PPFIBP2: variants seen among roughly 807,000 people sequenced by gnomAD.
PPFIBP2 encodes PPFIB scaffold protein 2.
In PPFIBP2, 118 loss-of-function variants were observed where a neutral mutation model predicts 118.3. The ratio of observed to expected loss-of-function variants is 1.00; its 90% confidence interval spans 0.86 to 1.16. The LOEUF (loss-of-function observed/expected upper bound fraction) is 1.16. Ranked by LOEUF, PPFIBP2 falls within the 50% of genes most tolerant of loss-of-function variation. The probability of loss-of-function intolerance (pLI) is 0.00; values close to 1 mark genes in which losing one functional copy is unlikely to be tolerated. For synonymous variants in PPFIBP2, 414 were observed against 397.4 expected (o/e 1.04, Z -0.50); for missense variants, 1,195 against 1,073.1 (o/e 1.11, Z -1.59).
chr11:7,666,343 A>C, the PPFIBP2 span: 1 of 720,012 alleles, frequency 1.4e-6, no homozygotes, highest in East Asian at 2.5e-5. Flanking sequence ...CTTAACCCCC[A>C]CATCTGGTCC....
chr11:7,641,327 G>T, intron 15 of PPFIBP2, 152 bp from the exon 16 acceptor site: 2 of 875,094 alleles, frequency 2.3e-6, no homozygotes, highest in South Asian at 3.5e-5. Flanking sequence ...GTCCCCACTA[G>T]TCTCTGGGAT....
the PPFIBP2 span, chr11:7,665,316 G>T: frequency 7.3e-7 from 1 of 1,373,140 alleles, no homozygotes; most frequent in Non-Finnish European, 9.8e-7. Context: ...TGGTGAAATT[G>T]AACTTACTCT....
intron 3 of PPFIBP2, among the ~76,000 whole-genome samples, chr11:7,572,562 G>A (rs149551900): frequency 6.4e-4 from 97 of 152,302 alleles, no homozygotes; most frequent in Non-Finnish European, 1.3e-3. Flanking sequence ...CCCAGGGGCC[G>A]TGGTGGACAG....
intron 1 of PPFIBP2, among the ~76,000 whole-genome samples, chr11:7,523,488 TA>T (rs1165059320): frequency 2.6e-5 from 4 of 152,246 alleles, no homozygotes; most frequent in African/African-American, 9.6e-5. Context: ...CTTGCCAGTT[TA>T]TACCTCATCT....
At chr11:7,666,588 C>G in the PPFIBP2 span, 3 of 1,476,024 alleles carry the variant, frequency 2.0e-6, no homozygotes, top group African/African-American at 1.4e-5. Context: ...CCCTCCAGGG[C>G]CATCCTCTTG....
At chr11:7,635,130 G>C (rs1156354426) in intron 13 of PPFIBP2, among the ~76,000 whole-genome samples, 1 of 152,118 alleles carries the variant, frequency 6.6e-6, no homozygotes, top group Non-Finnish European at 1.5e-5. Flanking sequence ...ACAGTAGCAG[G>C]CTCTTGAGCT....
chr11:7,616,050 G>C lies in PPFIBP2; in HGVS notation c.619-4885G>C, dbSNP rs542920509. On this transcript the variant is annotated intron_variant, in intron 6 of 23. Transcript: ENST00000299492. This position sits in a 1 kb window ranked among gnomAD's most constrained non-coding sequence, Gnocchi z 5.2. Reference sequence around the variant, plus strand: ...AAAGGCAGAAAGGACATATGCTAAAGACAAAAGTGCACCTGCATGACCAGT... The same window carrying C: ...AAAGGCAGAAAGGACATATGCTAAACACAAAAGTGCACCTGCATGACCAGT... 6.6e-6 allele frequency among the ~76,000 whole-genome samples: 1 copy of C among 152,308 alleles called. No individual in the cohort carries two copies. Among genetic ancestry groups the C allele is most frequent in the African/African-American group, 2.4e-5 (1 of 41,560 alleles).
intron 3 of PPFIBP2, among the ~76,000 whole-genome samples, chr11:7,566,016 G>C (rs1854927485): frequency 6.8e-6 from 1 of 147,778 alleles, no homozygotes; most frequent in South Asian, 2.1e-4. Context: ...TCCAGGGCCA[G>C]AGAAGGGCAA....
chr11:7,589,088 C>T (rs576683688), intron 3 of PPFIBP2, among the ~76,000 whole-genome samples: 31 of 152,166 alleles, frequency 2.0e-4, no homozygotes, highest in Non-Finnish European at 3.8e-4. Context: ...GTAGCAATAA[C>T]CATCAGAACA....
intron 20 of PPFIBP2, 26 bp downstream of exon 20, chr11:7,649,261 C>T (rs745590127): frequency 6.3e-7 from 1 of 1,589,320 alleles, no homozygotes; most frequent in East Asian, 2.2e-5. Context: ...TTAAATATTT[C>T]AGTTGTCCCT....
intron 4 of PPFIBP2, 71 bp downstream of exon 4, chr11:7,593,295 G>C (rs1360249732): frequency 6.4e-7 from 1 of 1,552,234 alleles, no homozygotes; most frequent in East Asian, 2.3e-5. Context: ...AAGTGGAAGG[G>C]AAGCCCAAGA....
At chr11:7,642,053 G>A (rs552380690) in intron 16 of PPFIBP2, 51 of 471,778 alleles carry the variant, frequency 1.1e-4, no homozygotes, top group Non-Finnish European at 1.7e-4. Context: ...CTCCTACAAG[G>A]CATCAAACTT....
Position 7,625,764 on chromosome 11 carries a change from G to T in PPFIBP2, c.712-13G>T. 6.2e-7 allele frequency: 1 copy of T among 1,612,600 alleles called. No individual in the cohort carries two copies. Among genetic ancestry groups the T allele is most frequent in the Admixed American group, 1.7e-5 (1 of 60,020 alleles). ...CCTTCTGACCTGGTAGGGATCCTCTGTTGCTCTTCCAGGCTGAAGTCGCCC... is the reference window on the plus strand; with the variant it reads ...CCTTCTGACCTGGTAGGGATCCTCTTTTGCTCTTCCAGGCTGAAGTCGCCC... On this transcript the variant is annotated splice_polypyrimidine_tract_variant and intron_variant, in intron 7 of 23. Transcript: ENST00000299492.
At chr11:7,583,580 T>C (rs2135071582) in intron 3 of PPFIBP2, among the ~76,000 whole-genome samples, 1 of 152,324 alleles carries the variant, frequency 6.6e-6, no homozygotes, top group East Asian at 1.9e-4. Context: ...ACAAATGCTA[T>C]TTCTGCAGCC....
At position 7,634,572 on chromosome 11, in the gene PPFIBP2, C is replaced by G. The variant is rs749121966; in HGVS notation, c.1194+20C>G. On this transcript the variant is annotated intron_variant, in intron 13 of 23. Transcript: ENST00000299492. ...GATAAGGTCGGCTCATCAACCTATCCTTAAAGATGACTGAGTTACTTTTTT... is the reference window on the plus strand; with the variant it reads ...GATAAGGTCGGCTCATCAACCTATCGTTAAAGATGACTGAGTTACTTTTTT... The G allele has an allele frequency of 1.2e-6, 2 of 1,602,450 alleles. No homozygotes were observed. Among genetic ancestry groups the G allele is most frequent in the East Asian group, 4.5e-5 (2 of 44,824 alleles).
intron 22 of PPFIBP2, chr11:7,651,403 C>T: frequency 2.3e-6 from 1 of 440,810 alleles, no homozygotes; most frequent in Non-Finnish European, 4.0e-6. Flanking sequence ...TCCTGAGAGA[C>T]AGCCTCACCA....
At chr11:7,537,804 G>A (rs1248612793) in intron 1 of PPFIBP2, among the ~76,000 whole-genome samples, 2 of 152,046 alleles carry the variant, frequency 1.3e-5, no homozygotes, top group African/African-American at 2.4e-5. Context: ...TCCCTGCCTC[G>A]CTTCCCTGCC....
chr11:7,566,712 G>A (rs1482641667), intron 3 of PPFIBP2, among the ~76,000 whole-genome samples: 1 of 135,484 alleles, frequency 7.4e-6, no homozygotes, highest in African/African-American at 3.2e-5. Flanking sequence ...CCACAAAACA[G>A]AATTTTAAAG....
chr11:7,655,538 A>G, downstream of PPFIBP2: 1 of 1,274,880 alleles, frequency 7.8e-7, no homozygotes, highest in Non-Finnish European at 1.0e-6. Flanking sequence ...GACTGGTGCC[A>G]GGGAGGCCCA....
Sources: gnomAD v4.1 joint callset for allele counts (sites outside exome capture counted in the v4.1 genomes callset) on GRCh38, gnomAD v4.1.1 for gene constraint, Gnocchi (gnomAD v3.1) non-coding constraint, MANE v1.5 for transcripts, NCBI Gene and HGNC (gene_info 2026-07-23, HGNC 2026-07-21) for gene names.